The following BCL2L13 variants were observed in gnomAD, a reference collection of about 807,000 sequenced individuals.
The protein encoded by BCL2L13 is BCL2 like 13.
Under a neutral mutation model 25.8 loss-of-function variants are expected in BCL2L13, and 13 were observed. The ratio of observed to expected loss-of-function variants is 0.50; its 90% CI spans 0.33 to 0.80. The LOEUF (loss-of-function observed/expected upper bound fraction) is 0.80. BCL2L13 is among the 30% of genes least tolerant of loss of function. The pLI, the probability that BCL2L13 is intolerant of heterozygous loss-of-function variation, is 0.02. For missense variants in BCL2L13, 504 were observed against 574.9 expected (o/e 0.88, Z 1.26); for synonymous variants, 244 against 230.3 (o/e 1.06, Z -0.54).
chr22:17,646,888 T>TTGTGTGTG (rs71201853), intron 1 of BCL2L13, among the ~76,000 whole-genome samples: 15 of 89,944 alleles, frequency 1.7e-4, no homozygotes, highest in African/African-American at 6.2e-4. Flanking sequence ...CCCAGCTAAT[T>TTGTGTGTG]TGTGTGTGTG....
chr22:17,720,071 T>C (rs2145812506), intron 6 of BCL2L13, among the ~76,000 whole-genome samples: 1 of 152,076 alleles, frequency 6.6e-6, no homozygotes, highest in South Asian at 2.1e-4. Flanking sequence ...GATGGAAATT[T>C]TCTGGCAATT....
chr22:17,689,872 G>A (rs114068112), intron 4 of BCL2L13, among the ~76,000 whole-genome samples: 224 of 148,788 alleles, frequency 1.5e-3, no homozygotes, highest in African/African-American at 5.3e-3. Context: ...CCAAAAAACC[G>A]TTATATCTGT....
chr22:17,655,552 A>G, intron 1 of BCL2L13, 110 bp from the exon 2 acceptor site: 8 of 778,336 alleles, frequency 1.0e-5, no homozygotes, highest in South Asian at 8.7e-5. Context: ...CTGAGCGACA[A>G]GAGCAAGACT....
chr22:17,714,953 C>T (rs1056821667), intron 6 of BCL2L13, among the ~76,000 whole-genome samples: 2 of 150,936 alleles, frequency 1.3e-5, no homozygotes, highest in Non-Finnish European at 2.9e-5. Context: ...CCAGCCTGGG[C>T]AACATAGCAA....
chr22:17,649,803 G>A (rs1020571877), intron 1 of BCL2L13, among the ~76,000 whole-genome samples: 33 of 151,374 alleles, frequency 2.2e-4, no homozygotes, highest in East Asian at 3.9e-4. Flanking sequence ...GTGCCTGGCC[G>A]CTGAAGAGAC....
At chr22:17,686,139 A>T (rs987606716) in intron 3 of BCL2L13, among the ~76,000 whole-genome samples, 2 of 152,078 alleles carry the variant, frequency 1.3e-5, no homozygotes, top group Non-Finnish European at 2.9e-5. Flanking sequence ...GTTAGTAGAG[A>T]AAAAACACAG....
At chr22:17,691,338 AG>A (rs2060097306) in intron 4 of BCL2L13, among the ~76,000 whole-genome samples, 1 of 121,662 alleles carries the variant, frequency 8.2e-6, no homozygotes, top group African/African-American at 2.9e-5. Flanking sequence ...TGAAAGGTGC[AG>A]ACTTTTAAAA....
chr22:17,636,358 G>T (rs936935352), upstream of BCL2L13, among the ~76,000 whole-genome samples: 2 of 151,790 alleles, frequency 1.3e-5, no homozygotes, highest in Non-Finnish European at 2.9e-5. Context: ...GCTACATGTG[G>T]TGGCACAAGC....
Position 17,727,563 on chromosome 22 carries a change from G to T in BCL2L13, c.*29G>T. The T allele has an allele frequency of 6.2e-7, 1 of 1,609,408 alleles. No homozygotes were observed. The highest frequency in any genetic ancestry group is 8.5e-7 in the Non-Finnish European group (1 of 1,177,334). On this transcript the variant is annotated 3_prime_UTR_variant, in exon 7 of 7. Coordinates refer to ENST00000317582, the MANE Select transcript of BCL2L13 (RefSeq NM_015367.4). Reference sequence around the variant, plus strand: ...GCTTTTCAGAAGAGAAAGACAGAAGGATGTAAGGTTGGAGTTGTATTGGCT... The same window carrying T: ...GCTTTTCAGAAGAGAAAGACAGAAGTATGTAAGGTTGGAGTTGTATTGGCT...
intron 4 of BCL2L13, chr22:17,695,864 C>A: frequency 3.8e-6 from 1 of 263,596 alleles, no homozygotes. Flanking sequence ...CATAAAAATC[C>A]TATCCTGTAA....
intron 6 of BCL2L13, among the ~76,000 whole-genome samples, chr22:17,718,317 A>G (rs1375893667): frequency 6.6e-6 from 1 of 152,136 alleles, no homozygotes; most frequent in Non-Finnish European, 1.5e-5. Flanking sequence ...GGAGGGGAAA[A>G]TGATGAGATA....
At chr22:17,659,056 TAAAAAAA>T (rs752881083) in intron 2 of BCL2L13, among the ~76,000 whole-genome samples, 2 of 28,094 alleles carry the variant, frequency 7.1e-5, no homozygotes, top group Non-Finnish European at 1.5e-4. Flanking sequence ...AGACTCCATC[TAAAAAAA>T]AAAAAAAAAA....
At chr22:17,655,183 T>C (rs1000897030) in intron 1 of BCL2L13, among the ~76,000 whole-genome samples, 11 of 151,970 alleles carry the variant, frequency 7.2e-5, no homozygotes, top group Admixed American at 7.2e-4. Context: ...TACCTCCACA[T>C]CTTGTCCCAC....
intron 3 of BCL2L13, among the ~76,000 whole-genome samples, chr22:17,685,249 A>G (rs1220830282): frequency 1.3e-5 from 2 of 151,830 alleles, no homozygotes; most frequent in African/African-American, 2.4e-5. Context: ...TTTTTAAGAC[A>G]TCGCCTTGCT....
intron 5 of BCL2L13, among the ~76,000 whole-genome samples, chr22:17,697,137 TAAAA>T: frequency 6.9e-6 from 1 of 145,738 alleles, no homozygotes; most frequent in African/African-American, 2.5e-5. Flanking sequence ...AGGTTCTCTT[TAAAA>T]AAAAAAAAAA....
At chr22:17,643,555 A>C (rs1052985433) in intron 1 of BCL2L13, among the ~76,000 whole-genome samples, 7 of 152,348 alleles carry the variant, frequency 4.6e-5, no homozygotes, top group African/African-American at 1.7e-4. Flanking sequence ...GCCACCAGTG[A>C]GTCATGAGAC....
chr22:17,638,555 T>C, upstream of BCL2L13: 2 of 670,128 alleles, frequency 3.0e-6, no homozygotes, highest in Non-Finnish European at 4.2e-6. Flanking sequence ...ACTCCGGAAA[T>C]GATCTGAGAG....
rs116638349 is a variant in BCL2L13 at position 17,712,971 on chromosome 22, G to A, written c.600+10585G>A. Among the ~76,000 whole-genome samples, 600 of 152,296 alleles carry A rather than the reference G, an allele frequency of 3.9e-3. 4 individuals are homozygous for A. The highest frequency in any genetic ancestry group is 0.014 in the African/African-American group (581 of 41,560). On this transcript the variant is annotated intron_variant, in intron 6 of 6. Coordinates refer to ENST00000317582, the MANE Select transcript of BCL2L13 (RefSeq NM_015367.4). ...TGTCTAAATCATCTTACCTATGCCT[G>A]TTCATTGTGCCAGAGTATGTATGGG... is the stretch of plus-strand genomic sequence containing the variant.
At chr22:17,701,138 T>C (rs556803527) in intron 5 of BCL2L13, among the ~76,000 whole-genome samples, 44 of 152,308 alleles carry the variant, frequency 2.9e-4, no homozygotes, top group Non-Finnish European at 5.1e-4. Flanking sequence ...TAGTTTCTGT[T>C]GTAATTTTTG....
Sources: allele counts gnomAD v4.1 joint callset (sites outside exome capture counted in the v4.1 genomes callset), GRCh38; gene constraint gnomAD v4.1.1; transcripts MANE v1.5; gene names NCBI Gene and HGNC (gene_info 2026-07-23, HGNC 2026-07-21).